MACROD2: variants seen among roughly 807,000 people sequenced by gnomAD.
The protein encoded by MACROD2 is mono-ADP ribosylhydrolase 2.
Under a neutral mutation model 70.4 loss-of-function variants are expected in MACROD2, and 36 were observed. The ratio of observed to expected loss-of-function variants is 0.51; its 90% CI spans 0.39 to 0.68. The LOEUF (loss-of-function observed/expected upper bound fraction) is 0.68, where lower values mean the gene tolerates loss of function less well. Ranked by LOEUF, MACROD2 falls within the 30% of genes least tolerant of loss-of-function variation. The pLI, the probability that MACROD2 is intolerant of heterozygous loss-of-function variation, is 0.00. For synonymous variants in MACROD2, 172 were observed against 178.8 expected (o/e 0.96, Z 0.30); for missense variants, 496 against 538.4 (o/e 0.92, Z 0.78).
chr20:14,491,587 C>A (rs1289195560), intron 3 of MACROD2, among the ~76,000 whole-genome samples: 1 of 152,160 alleles, frequency 6.6e-6, no homozygotes, highest in Non-Finnish European at 1.5e-5. Context: ...AACTGGAATT[C>A]CAATTCTTAC....
chr20:14,820,294 C>T (rs1289124749), intron 5 of MACROD2, among the ~76,000 whole-genome samples: 1 of 149,742 alleles, frequency 6.7e-6, no homozygotes, highest in Non-Finnish European at 1.5e-5. Context: ...TAAAAGGAGT[C>T]GTGGATGTAG....
At chr20:15,724,659 C>T (rs76732688) in intron 8 of MACROD2, among the ~76,000 whole-genome samples, 7,077 of 152,182 alleles carry the variant, frequency 0.047, 166 homozygotes, top group Admixed American at 0.071. Context: ...TATTTTTTCA[C>T]CAATAACATA....
At chr20:15,329,039 T>C (rs2077963257) in intron 6 of MACROD2, among the ~76,000 whole-genome samples, 1 of 152,098 alleles carries the variant, frequency 6.6e-6, no homozygotes, top group Non-Finnish European at 1.5e-5. Context: ...ATTGGAAAAT[T>C]CTTATGAAAT....
chr20:14,546,580 A>G (rs975503976), intron 4 of MACROD2, among the ~76,000 whole-genome samples: 2 of 152,158 alleles, frequency 1.3e-5, no homozygotes, highest in African/African-American at 2.4e-5. Flanking sequence ...TTTCTCTCAG[A>G]CAGATCCTGA....
chr20:15,000,629 CAAAAAAAAAAA>C (rs398040701), intron 5 of MACROD2, among the ~76,000 whole-genome samples: 55 of 21,972 alleles, frequency 2.5e-3, no homozygotes, highest in Admixed American at 0.011. Context: ...GACTCCGTCT[CAAAAAAAAAAA>C]AAAAAAAAAA....
intron 5 of MACROD2, among the ~76,000 whole-genome samples, chr20:15,020,635 A>G (rs1015610078): frequency 1.3e-5 from 2 of 152,084 alleles, no homozygotes; most frequent in African/African-American, 2.4e-5. Context: ...GCAAACCTAC[A>G]TGGTATAGCC....
intron 5 of MACROD2, among the ~76,000 whole-genome samples, chr20:15,155,310 C>T (rs982565902): frequency 1.3e-5 from 2 of 152,144 alleles, no homozygotes; most frequent in African/African-American, 4.8e-5. Flanking sequence ...GTCTGCCATG[C>T]AGTTTGCTCT....
chr20:14,396,640 T>C (rs562389634), intron 3 of MACROD2, among the ~76,000 whole-genome samples: 1 of 152,242 alleles, frequency 6.6e-6, no homozygotes, highest in African/African-American at 2.4e-5. Context: ...TAAAATCCAA[T>C]CTGGGCTGAG....
At chr20:15,408,444 C>T (rs568121819) in intron 6 of MACROD2, among the ~76,000 whole-genome samples, 17 of 152,332 alleles carry the variant, frequency 1.1e-4, no homozygotes, top group Middle Eastern at 3.4e-3. Context: ...TGTTTCTATA[C>T]CAGCCCTTTG....
chr20:14,177,832 T>C (rs2081275205), intron 3 of MACROD2, among the ~76,000 whole-genome samples: 1 of 152,190 alleles, frequency 6.6e-6, no homozygotes, highest in African/African-American at 2.4e-5. Context: ...TTTTATACCA[T>C]GTCTTATATT....
chr20:15,416,404 G>A (rs450343), intron 6 of MACROD2, among the ~76,000 whole-genome samples: 126,562 of 152,160 alleles, frequency 0.83, 53,134 homozygotes, highest in African/African-American at 0.91. Flanking sequence ...AGCCTTGACT[G>A]ATGTCTTCCT....
At chr20:15,213,380 C>T (rs2076780737) in intron 5 of MACROD2, among the ~76,000 whole-genome samples, 1 of 152,048 alleles carries the variant, frequency 6.6e-6, no homozygotes, top group African/African-American at 2.4e-5. Context: ...AAATAATCAG[C>T]CTCATTCTGC....
At chr20:14,282,958 G>A (rs940743969) in intron 3 of MACROD2, among the ~76,000 whole-genome samples, 1 of 152,126 alleles carries the variant, frequency 6.6e-6, no homozygotes, top group Admixed American at 6.5e-5. Context: ...AATGTATATT[G>A]AAGCCCAGCC....
chr20:14,545,616 A>G (rs1475857276), intron 4 of MACROD2, among the ~76,000 whole-genome samples: 1 of 152,220 alleles, frequency 6.6e-6, no homozygotes, highest in Non-Finnish European at 1.5e-5. Context: ...TGCCGGGTGT[A>G]AGCAATAACT....
intron 3 of MACROD2, among the ~76,000 whole-genome samples, chr20:14,233,992 G>A (rs768080028): frequency 5.9e-5 from 9 of 152,068 alleles, no homozygotes; most frequent in Non-Finnish European, 1.2e-4. Context: ...ATGATATTAC[G>A]GATTTGCAAA....
intron 2 of MACROD2, among the ~76,000 whole-genome samples, chr20:14,064,642 C>G (rs1460818510): frequency 6.6e-6 from 1 of 152,172 alleles, no homozygotes; most frequent in Non-Finnish European, 1.5e-5. Context: ...AGTCTTAGTT[C>G]AGGCGAAGAT....
chr20:14,651,405 G>A (rs187670535), intron 4 of MACROD2, among the ~76,000 whole-genome samples: 14 of 152,232 alleles, frequency 9.2e-5, no homozygotes, highest in Admixed American at 2.0e-4. Flanking sequence ...AGAAAGGAGG[G>A]CATGAGGAAG....
chr20:15,296,976 C>G (rs192564690), intron 6 of MACROD2, among the ~76,000 whole-genome samples: 1 of 152,242 alleles, frequency 6.6e-6, no homozygotes, highest in East Asian at 1.9e-4. Context: ...TTTTTCCCAG[C>G]GTAGTAAATT....
At chr20:15,994,882 C>T (rs2066606442) in intron 15 of MACROD2, among the ~76,000 whole-genome samples, 1 of 152,122 alleles carries the variant, frequency 6.6e-6, no homozygotes. Context: ...ATTGTATCAT[C>T]GTGTCCTGAC....
Sources: gnomAD v4.1 joint callset for allele counts (sites outside exome capture counted in the v4.1 genomes callset) on GRCh38, gnomAD v4.1.1 for gene constraint, MANE v1.5 for transcripts, NCBI Gene and HGNC (gene_info 2026-07-23, HGNC 2026-07-21) for gene names.